The following CFAP54 variants were observed in gnomAD, a reference collection of about 807,000 sequenced individuals.
CFAP54 encodes cilia and flagella associated protein 54.
CFAP54 carries 290 observed loss-of-function variants against 370.4 expected under a neutral mutation model. The ratio of observed to expected loss-of-function variants is 0.78; its 90% CI spans 0.71 to 0.86. The LOEUF is 0.86. Ranked by LOEUF, CFAP54 falls within the 40% of genes least tolerant of loss-of-function variation. The pLI is 0.00. For synonymous variants in CFAP54, 1,206 were observed against 1,236.5 expected, an observed-to-expected ratio of 0.98 and a Z score of 0.52; for missense variants, 3,399 against 3,528.7, an observed-to-expected ratio of 0.96 and a Z score of 0.93.
At chr12:96,625,864 A>G in intron 29 of CFAP54, 57 bp downstream of exon 29, 2 of 1,285,836 alleles carry the variant, frequency 1.6e-6, no homozygotes, top group Non-Finnish European at 2.1e-6. Flanking sequence ...AAGAGAATTA[A>G]TTCTGTGGAT....
intron 45 of CFAP54, among the ~76,000 whole-genome samples, chr12:96,698,188 A>G (rs1054638082): frequency 6.6e-6 from 1 of 152,234 alleles, no homozygotes; most frequent in African/African-American, 2.4e-5. Flanking sequence ...AGGGCTTGGT[A>G]CATATGTGGT....
chr12:96,639,111 C>A (rs1001592976), intron 32 of CFAP54, among the ~76,000 whole-genome samples: 1 of 152,032 alleles, frequency 6.6e-6, no homozygotes, highest in Non-Finnish European at 1.5e-5. Flanking sequence ...GAATGTGTCC[C>A]AGAGATTCTG....
chr12:96,842,207 A>G lies in CFAP54; in HGVS notation c.9171+13119A>G, dbSNP rs114042341. 7.6e-3 allele frequency among the ~76,000 whole-genome samples: 1,150 copies of G among 152,304 alleles called. 14 individuals are homozygous for G. Among genetic ancestry groups the G allele is most frequent in the African/African-American group, 0.026 (1,092 of 41,556 alleles). On this transcript the variant is annotated intron_variant, in intron 66 of 67. Transcript: ENST00000524981. ...TATATATTCTTGATATTATTTCTCA[A>G]CCATCCTTTTTAAATTAAACTATTT...
intron 60 of CFAP54, among the ~76,000 whole-genome samples, chr12:96,779,996 A>G (rs1012216014): frequency 2.6e-5 from 4 of 152,134 alleles, no homozygotes; most frequent in Non-Finnish European, 5.9e-5. Context: ...TTTGGGGGTG[A>G]ACTTTTTCTA....
intron 26 of CFAP54, among the ~76,000 whole-genome samples, chr12:96,607,773 A>C (rs1471462507): frequency 6.6e-6 from 1 of 152,166 alleles, no homozygotes; most frequent in Non-Finnish European, 1.5e-5. Flanking sequence ...TGCAATGGAA[A>C]GAGAATCAAT....
chr12:96,524,955 A>C (rs1042030356), intron 8 of CFAP54, among the ~76,000 whole-genome samples: 1 of 152,078 alleles, frequency 6.6e-6, no homozygotes, highest in African/African-American at 2.4e-5. Context: ...ATCTTCAGAC[A>C]TGCTTATTTT....
Position 96,663,826 on chromosome 12 carries a change from A to T in CFAP54, c.5461-4A>T. 1.9e-6 allele frequency: 3 copies of T among 1,607,572 alleles called. No homozygotes were observed. Among genetic ancestry groups the T allele is most frequent in the Non-Finnish European group, 2.6e-6 (3 of 1,175,430 alleles). On this transcript the variant is annotated splice_region_variant and splice_polypyrimidine_tract_variant and intron_variant, in intron 38 of 67. Coordinates refer to ENST00000524981, the MANE Select transcript of CFAP54 (RefSeq NM_001306084.2). ...AATATTTGTTTTCACCTTTCTTTTT[A>T]AAGATAACTTGCCGAAATTTCATTG...
intron 66 of CFAP54, among the ~76,000 whole-genome samples, chr12:96,857,578 G>C (rs1440454274): frequency 6.6e-6 from 1 of 152,086 alleles, no homozygotes; most frequent in East Asian, 1.9e-4. Context: ...GATATGATTT[G>C]GCTCTGTATC....
intron 67 of CFAP54, among the ~76,000 whole-genome samples, chr12:96,867,316 G>T (rs1199828021): frequency 6.6e-6 from 1 of 152,038 alleles, no homozygotes; most frequent in Non-Finnish European, 1.5e-5. Flanking sequence ...CTAGTACTAT[G>T]CCAGGAACTG....
At chr12:96,669,266 A>G (rs1242734437) in intron 39 of CFAP54, among the ~76,000 whole-genome samples, 3 of 152,230 alleles carry the variant, frequency 2.0e-5, no homozygotes, top group African/African-American at 7.2e-5. Flanking sequence ...TTATCTGGAG[A>G]ACTGAGGGGA....
chr12:96,764,257 T>G lies in CFAP54; in HGVS notation c.8139+8T>G. ...ATAAGAGCTGCTGCACAGGTTGGTG[T>G]GATTTTTGTTTAATCTTTCTTCTTA... is the stretch of plus-strand genomic sequence containing the variant. On this transcript the variant is annotated splice_region_variant and intron_variant, in intron 59 of 67. Coordinates refer to ENST00000524981, the MANE Select transcript of CFAP54 (RefSeq NM_001306084.2). 6.3e-7 allele frequency: 1 copy of G among 1,597,736 alleles called. No homozygotes were observed. Among genetic ancestry groups the G allele is most frequent in the Non-Finnish European group, 8.6e-7 (1 of 1,167,442 alleles).
intron 36 of CFAP54, among the ~76,000 whole-genome samples, chr12:96,655,330 C>G (rs894495140): frequency 3.9e-4 from 59 of 151,056 alleles, no homozygotes; most frequent in African/African-American, 1.4e-3. Context: ...AAAAGCTTGA[C>G]TACCTTACCT....
rs1339834308 is a variant in CFAP54 at position 96,503,956 on chromosome 12, A to G, written c.494A>G (p.Asn165Ser). Residue 165 changes from asparagine (N) to serine (S), a missense_variant, in exon 3 of 68, where the codon AAT becomes AGT. Around this residue, in one of 3 missense-constraint regions of CFAP54, gnomAD observed 559 missense variants for 576.7 expected, o/e 0.97. Coordinates refer to ENST00000524981, the MANE Select transcript of CFAP54 (RefSeq NM_001306084.2). ...CAGTTCAATACCAATTTTGATGAGA[A>G]TAAAGTGGATGTAACTCAATTCAAA... ...LQQFNTNFDE[N>S]KVDVTQFKAT... is the part of the protein sequence containing the mutation. 6.5e-7 allele frequency: 1 copy of G among 1,528,558 alleles called. No individual in the cohort carries two copies. The highest frequency in any genetic ancestry group is 2.0e-5 in the Admixed American group (1 of 49,418). 94.7% of individuals were successfully genotyped at this position (1,528,558 alleles called of 1,614,324 possible).
In CFAP54 at chr12:96,679,669, A is replaced by G. The variant is rs745552207; in HGVS notation, c.5633A>G (p.Glu1878Gly). 2 of 1,613,992 alleles carry G rather than the reference A, an allele frequency of 1.2e-6. No individual in the cohort carries two copies. Among genetic ancestry groups the G allele is most frequent in the South Asian group, 2.2e-5 (2 of 91,048 alleles). ...ACAGACACCTTGAGGTGTTTTAGAG[A>G]GACACTGGAAAAATCCAAATACCAT... ...DVTDTLRCFR[E>G]TLEKSKYHNR... Residue 1878 changes from glutamate to glycine, a missense_variant, in exon 40 of 68, where the codon GAG (glutamate) becomes GGG (glycine). By Grantham distance (98) the Glu-to-Gly change is moderately conservative. Transcript: ENST00000524981.
chr12:96,559,370 C>G lies in CFAP54; in HGVS notation c.2410+4568C>G, dbSNP rs533265229. ...TCTGTATTAAAACATCTCATGTACC[C>G]CATAAATATATACACCTACTATGTA... On this transcript the variant is annotated intron_variant, in intron 17 of 67. Coordinates refer to ENST00000524981, the MANE Select transcript of CFAP54 (RefSeq NM_001306084.2). 8.9e-4 allele frequency among the ~76,000 whole-genome samples: 136 copies of G among 152,060 alleles called. 1 individual carries two copies. Among genetic ancestry groups the G allele is most frequent in the Admixed American group, 1.8e-3 (28 of 15,272 alleles).
At chr12:96,576,928 C>CTTGT (rs891642884) in intron 20 of CFAP54, among the ~76,000 whole-genome samples, 167 bp downstream of exon 20, 5 of 152,346 alleles carry the variant, frequency 3.3e-5, no homozygotes, top group African/African-American at 1.2e-4. Context: ...TTCTCCATGA[C>CTTGT]TTGTTGCCCC....
Position 96,673,950 on chromosome 12 carries a change from C to T in CFAP54, c.5564-5650C>T, listed in dbSNP as rs1957175245. 3.3e-5 allele frequency among the ~76,000 whole-genome samples: 5 copies of T among 152,214 alleles called. No homozygotes were observed. The South Asian group carries it at 1.0e-3, about 32-fold the overall frequency. ...TCTGTAGGATTTGGAGAAGTGAGAACACCTCACTTTATAGATATTCTTGTA... is the reference window on the plus strand; with the variant it reads ...TCTGTAGGATTTGGAGAAGTGAGAATACCTCACTTTATAGATATTCTTGTA... On this transcript the variant is annotated intron_variant, in intron 39 of 67. Coordinates refer to ENST00000524981, the MANE Select transcript of CFAP54 (RefSeq NM_001306084.2).
At chr12:96,673,554 A>G (rs1036824101) in intron 39 of CFAP54, among the ~76,000 whole-genome samples, 1 of 152,186 alleles carries the variant, frequency 6.6e-6, no homozygotes, top group Admixed American at 6.5e-5. Flanking sequence ...GTTATTGGGA[A>G]TGTTTTTTGG....
At position 96,754,026 on chromosome 12, in the gene CFAP54, T is replaced by C. The variant is rs550912746; in HGVS notation, c.7840+128T>C. The C allele has an allele frequency of 3.9e-4, 317 of 807,510 alleles. No individual in the cohort carries two copies. The African/African-American group carries it at 5.0e-3, about 13-fold the overall frequency. The allele number at this position is 807,510 out of a possible 1,614,324, so 50.0% of individuals were successfully genotyped here. The stretch of plus-strand genomic sequence containing the variant: ...AAACATACAAAGGGCTTAGAGATGA[T>C]TAACACAATGGTACCTCCACCAAAT... On this transcript the variant is annotated intron_variant, in intron 56 of 67. Coordinates refer to ENST00000524981, the MANE Select transcript of CFAP54 (RefSeq NM_001306084.2).
Sources: gnomAD v4.1 joint callset for allele counts (sites outside exome capture counted in the v4.1 genomes callset) on GRCh38, gnomAD v4.1.1 for gene constraint, gnomAD v4.1.1 regional missense constraint, MANE v1.5 for transcripts, NCBI Gene and HGNC (gene_info 2026-07-23, HGNC 2026-07-21) for gene names.